The following PCDHGB1 variants were observed in gnomAD, a reference collection of about 807,000 sequenced individuals.
The protein encoded by PCDHGB1 is protocadherin gamma-B1.
PCDHGB1 carries 34 observed loss-of-function variants against 56.6 expected under a neutral mutation model. That is an observed-to-expected ratio of 0.60 (90% CI 0.46 to 0.80). The LOEUF is 0.80. Ranked by LOEUF, PCDHGB1 falls within the 30% of genes least tolerant of loss-of-function variation. PCDHGB1 has a pLI of 0.00. For synonymous variants in PCDHGB1, 561 were observed against 505.9 expected (o/e 1.11, Z -1.46); for missense variants, 1,278 against 1,204.6 (o/e 1.06, Z -0.90).
At chr5:141,499,356 C>A (rs1472104991) in intron 2 of PCDHGB1, among the ~76,000 whole-genome samples, 1 of 152,062 alleles carries the variant, frequency 6.6e-6, no homozygotes, top group Non-Finnish European at 1.5e-5. Context: ...ATTCAACAAA[C>A]AAATAGCAAC....
chr5:141,372,879 G>T (rs1269761634), intron 1 of PCDHGB1: 2 of 1,265,292 alleles, frequency 1.6e-6, no homozygotes, highest in Admixed American at 2.7e-5. Context: ...GAGATAAAAA[G>T]AATACAGATT....
chr5:141,505,621 A>G (rs1170133157), intron 3 of PCDHGB1, 140 bp downstream of exon 3: 5 of 1,495,758 alleles, frequency 3.3e-6, no homozygotes, highest in South Asian at 2.6e-5. Context: ...AGGACCCACA[A>G]TTCCAAACAT....
At chr5:141,420,713 G>T (rs1406572601) in intron 1 of PCDHGB1, among the ~76,000 whole-genome samples, 1 of 152,078 alleles carries the variant, frequency 6.6e-6, no homozygotes, top group African/African-American at 2.4e-5. Flanking sequence ...CAGAAATGTC[G>T]TTCCTTTCAG....
At chr5:141,375,665 C>T (rs114223268) in intron 1 of PCDHGB1, 22,660 of 1,614,242 alleles carry the variant, frequency 0.014, 234 homozygotes, top group Non-Finnish European at 0.016. Flanking sequence ...GTTGAGAGAC[C>T]TACAGCTGTG....
intron 1 of PCDHGB1, chr5:141,384,575 C>G (rs754018989): frequency 6.2e-7 from 1 of 1,614,258 alleles, no homozygotes; most frequent in East Asian, 2.2e-5. Context: ...AATGACAACC[C>G]GCCCGAGATC....
At chr5:141,473,853 C>T (rs2099329853) in intron 1 of PCDHGB1, among the ~76,000 whole-genome samples, 1 of 152,128 alleles carries the variant, frequency 6.6e-6, no homozygotes, top group Non-Finnish European at 1.5e-5. Flanking sequence ...GGAAGATGAA[C>T]CTCGCTATTG....
chr5:141,439,680 A>T (rs1478261632), intron 1 of PCDHGB1, among the ~76,000 whole-genome samples: 1 of 152,236 alleles, frequency 6.6e-6, no homozygotes, highest in African/African-American at 2.4e-5. Context: ...ATCCAAGAGC[A>T]GACCCACAAC....
At position 141,489,728 on chromosome 5, in the gene PCDHGB1, G is replaced by T; in HGVS notation, c.2410-5079G>T. ...GACAGTGCCCAGGATCCGGATGTGGGCACCAATACTGTGAGCTTTTACACT... is the reference window on the plus strand; with the variant it reads ...GACAGTGCCCAGGATCCGGATGTGGTCACCAATACTGTGAGCTTTTACACT... On this transcript the variant is annotated intron_variant, in intron 1 of 3. Transcript: ENST00000523390. The surrounding 1 kb of genome is among the most constrained non-coding windows in gnomAD (Gnocchi z 4.5). The T allele has an allele frequency of 3.1e-6, 5 of 1,614,138 alleles. No homozygotes were observed. The South Asian group carries it at 5.5e-5, about 18-fold the overall frequency.
At chr5:141,357,323 T>C (rs766165859) in intron 1 of PCDHGB1, 2 of 1,614,108 alleles carry the variant, frequency 1.2e-6, no homozygotes, top group Admixed American at 3.3e-5. Flanking sequence ...CTGGCTTTTG[T>C]CACGGTGCTG....
chr5:141,375,744 A>G lies in PCDHGB1; in HGVS notation c.2409+23075A>G, dbSNP rs573966652. The G allele has an allele frequency of 9.3e-6, 15 of 1,614,188 alleles. No individual in the cohort carries two copies. The South Asian group carries it at 1.6e-4, about 18-fold the overall frequency. ...GTGTCACTGAGCCTGTTTGTGCTGGACCAGAATGACAATGCGCCCGAGATC... is the reference window on the plus strand; with the variant it reads ...GTGTCACTGAGCCTGTTTGTGCTGGGCCAGAATGACAATGCGCCCGAGATC... On this transcript the variant is annotated intron_variant, in intron 1 of 3. Transcript: ENST00000523390.
At chr5:141,352,739 C>A (rs765878578) in intron 1 of PCDHGB1, 70 bp downstream of exon 1, 129 of 1,476,434 alleles carry the variant, frequency 8.7e-5, no homozygotes, top group Non-Finnish European at 1.1e-4. Context: ...CCTGTAATCC[C>A]AGCACTTAAC....
At chr5:141,412,981 G>C (rs1309699690) in intron 1 of PCDHGB1, 2 of 546,326 alleles carry the variant, frequency 3.7e-6, no homozygotes, top group Non-Finnish European at 3.1e-6. Context: ...AACGCAGCCA[G>C]AGCTCAATCC....
chr5:141,489,776 C>T lies in PCDHGB1; in HGVS notation c.2410-5031C>T. The T allele has an allele frequency of 6.2e-7, 1 of 1,614,202 alleles. No homozygotes were observed. Among genetic ancestry groups the T allele is most frequent in the Non-Finnish European group, 8.5e-7 (1 of 1,180,020 alleles). On this transcript the variant is annotated intron_variant, in intron 1 of 3. Transcript: ENST00000523390. This position sits in a 1 kb window ranked among gnomAD's most constrained non-coding sequence, Gnocchi z 4.5. ...ACTCTAAGCCCCAACAGCCACTTCT[C>T]TCTGAATGTGAAGACCCTAAAAGAT...
At chr5:141,407,243 C>G (rs1191688729) in intron 1 of PCDHGB1, among the ~76,000 whole-genome samples, 1 of 152,168 alleles carries the variant, frequency 6.6e-6, no homozygotes, top group African/African-American at 2.4e-5. Context: ...AAGCATACTT[C>G]AGGCTCATAT....
At chr5:141,361,064 A>G in intron 1 of PCDHGB1, 3 of 1,613,918 alleles carry the variant, frequency 1.9e-6, no homozygotes, top group Non-Finnish European at 2.5e-6. Context: ...TTGGATTTTG[A>G]GATTGCAAGT....
chr5:141,469,711 T>C (rs894622720), intron 1 of PCDHGB1, among the ~76,000 whole-genome samples: 13 of 152,372 alleles, frequency 8.5e-5, no homozygotes, highest in African/African-American at 2.4e-4. Flanking sequence ...AATCACACTA[T>C]TAGGAATTTA....
Position 141,491,902 on chromosome 5 carries a change from G to C in PCDHGB1, c.2410-2905G>C. On this transcript the variant is annotated intron_variant, in intron 1 of 3. Transcript: ENST00000523390. This position sits in a 1 kb window ranked among gnomAD's most constrained non-coding sequence, Gnocchi z 6.9. ...AGGGATGGGGCTCCGAGCACCGGGG[G>C]TGGTGGCGACTGTGGGCGAGGGGAG... 7.0e-7 allele frequency: 1 copy of C among 1,429,002 alleles called. No individual in the cohort carries two copies. Among genetic ancestry groups the C allele is most frequent in the Non-Finnish European group, 9.3e-7 (1 of 1,079,426 alleles). The allele number at this position is 1,429,002 out of a possible 1,614,324, so 88.5% of individuals were successfully genotyped here. A position where few individuals can be genotyped will look rare whatever the true frequency, so the allele number is the denominator to read the frequency against.
chr5:141,477,519 A>C lies in PCDHGB1; in HGVS notation c.2410-17288A>C, dbSNP rs1255751458. 1 of 1,614,174 alleles carries C rather than the reference A, an allele frequency of 6.2e-7. No individual in the cohort carries two copies. The highest frequency in any genetic ancestry group is 2.2e-5 in the East Asian group (1 of 44,882). Reference sequence around the variant, plus strand: ...TCTTCCTACGACGTTTACATTGAAGAAAACAACCTCCCCGGGGCTCCAATA... The same window carrying C: ...TCTTCCTACGACGTTTACATTGAAGCAAACAACCTCCCCGGGGCTCCAATA... On this transcript the variant is annotated intron_variant, in intron 1 of 3. Transcript: ENST00000523390. The surrounding 1 kb of genome is among the most constrained non-coding windows in gnomAD (Gnocchi z 4.9).
rs1174072440 is a variant in PCDHGB1, at chr5:141,438,581, TACATACATAC to T, written c.2410-56224_2410-56215del. Among the ~76,000 whole-genome samples, 141 of 49,790 alleles carry T rather than the reference TACATACATAC, an allele frequency of 2.8e-3. 1 individual carries two copies. Among genetic ancestry groups the T allele is most frequent in the African/African-American group, 0.014 (97 of 6,866 alleles). 32.7% of individuals were successfully genotyped at this position (49,790 alleles called of 152,430 possible). A position where few individuals can be genotyped will look rare whatever the true frequency, so the allele number is the denominator to read the frequency against. On this transcript the variant is annotated intron_variant, in intron 1 of 3. Coordinates refer to ENST00000523390, the MANE Select transcript of PCDHGB1 (RefSeq NM_018922.3). ...GAGGCAGCTGTCTGATATACATACA[TACATACATAC>T]ATATATATATATATATATATATATA...
Sources: gnomAD v4.1 joint callset for allele counts (sites outside exome capture counted in the v4.1 genomes callset) on GRCh38, gnomAD v4.1.1 for gene constraint, Gnocchi (gnomAD v3.1) non-coding constraint, MANE v1.5 for transcripts, NCBI Gene and HGNC (gene_info 2026-07-23, HGNC 2026-07-21) for gene names.